Variants in APP observed in about 807,000 individuals in gnomAD.
The protein encoded by APP is amyloid beta precursor protein, also known as amyloid-beta precursor protein.
Under a neutral mutation model 101.4 loss-of-function variants are expected in APP, and 31 were observed. That is an observed-to-expected ratio of 0.31 (90% CI 0.23 to 0.41). The LOEUF (loss-of-function observed/expected upper bound fraction) is 0.41. Among genes scored for constraint, APP ranks in the 10% least tolerant of loss-of-function variants. The pLI is 1.00. For synonymous variants in APP, 366 were observed against 364.4 expected, an observed-to-expected ratio of 1.00 and a Z score of -0.05; for missense variants, 839 against 1,003.7, an observed-to-expected ratio of 0.84 and a Z score of 2.22.
chr21:25,942,254 C>T (rs1174183764), intron 13 of APP: 1 of 152,134 alleles, frequency 6.6e-6, no homozygotes, highest in African/African-American at 2.4e-5. Context: ...AACAGCTCTG[C>T]AAACCCAGTT....
intron 5 of APP, among the ~76,000 whole-genome samples, chr21:26,047,588 T>C (rs1207471107): frequency 6.6e-6 from 1 of 152,224 alleles, no homozygotes; most frequent in Non-Finnish European, 1.5e-5. Context: ...CCTGATATAC[T>C]AATTATACTG....
At chr21:26,091,304 G>A (rs974469978) in intron 2 of APP, among the ~76,000 whole-genome samples, 11 of 152,304 alleles carry the variant, frequency 7.2e-5, no homozygotes, top group African/African-American at 2.4e-4. Flanking sequence ...ACACTCCAGG[G>A]GCTAAAGAAT....
intron 13 of APP, among the ~76,000 whole-genome samples, chr21:25,925,634 A>G (rs2146370631): frequency 6.6e-6 from 1 of 152,320 alleles, no homozygotes; most frequent in Non-Finnish European, 1.5e-5. Context: ...TCCCTTCATG[A>G]AAGAAAAACA....
chr21:25,935,132 G>A (rs2040308356), intron 13 of APP: 1 of 152,184 alleles, frequency 6.6e-6, no homozygotes, highest in Non-Finnish European at 1.5e-5. Flanking sequence ...CGGGTTTCAG[G>A]TTTTACTAAC....
chr21:26,122,619 G>A (rs1191915856), intron 1 of APP, among the ~76,000 whole-genome samples: 1 of 152,026 alleles, frequency 6.6e-6, no homozygotes, highest in Non-Finnish European at 1.5e-5. Flanking sequence ...GCACTTATAT[G>A]TTTTATCACA....
At chr21:26,108,198 G>T (rs118111112) in intron 2 of APP, among the ~76,000 whole-genome samples, 1 of 152,256 alleles carries the variant, frequency 6.6e-6, no homozygotes, top group Non-Finnish European at 1.5e-5. Flanking sequence ...TCACTGCCAC[G>T]TGAAACGTCA....
intron 13 of APP, among the ~76,000 whole-genome samples, chr21:25,953,341 C>G (rs752791754): frequency 1.3e-5 from 2 of 152,160 alleles, no homozygotes; most frequent in Non-Finnish European, 1.5e-5. Flanking sequence ...CACAGCAATA[C>G]AAACAATATT....
At chr21:25,910,329 A>C (rs1035413544) in intron 14 of APP, among the ~76,000 whole-genome samples, 2 of 151,920 alleles carry the variant, frequency 1.3e-5, no homozygotes, top group Admixed American at 6.6e-5. Flanking sequence ...ACGGGGTTTC[A>C]CCATGTTAGC....
intron 11 of APP, among the ~76,000 whole-genome samples, chr21:25,971,604 G>A (rs2042035249): frequency 6.6e-6 from 1 of 152,238 alleles, no homozygotes; most frequent in South Asian, 2.1e-4. Context: ...ATCCAGAGAT[G>A]TGCAGAGTGA....
At chr21:26,131,606 C>T (rs978347001) in intron 1 of APP, among the ~76,000 whole-genome samples, 1 of 152,148 alleles carries the variant, frequency 6.6e-6, no homozygotes, top group African/African-American at 2.4e-5. Context: ...AGCCAAATGA[C>T]CAATACGGCA....
intron 11 of APP, among the ~76,000 whole-genome samples, chr21:25,962,273 G>A (rs771494462): frequency 3.9e-5 from 6 of 152,036 alleles, no homozygotes; most frequent in African/African-American, 1.2e-4. Flanking sequence ...AGGCACCACC[G>A]AAATGGCTTA....
At chr21:25,893,934 T>A (rs936492878) in intron 16 of APP, among the ~76,000 whole-genome samples, 1 of 152,238 alleles carries the variant, frequency 6.6e-6, no homozygotes, top group Non-Finnish European at 1.5e-5. Flanking sequence ...AAGAACAAGC[T>A]GACTCTCTTG....
chr21:25,952,140 A>G (rs1208965332), intron 13 of APP, among the ~76,000 whole-genome samples: 2 of 151,340 alleles, frequency 1.3e-5, no homozygotes, highest in Non-Finnish European at 2.9e-5. Context: ...TATATATGTC[A>G]TTACTTAAAA....
chr21:25,904,579 G>A (rs2038686125), intron 15 of APP, among the ~76,000 whole-genome samples: 1 of 152,146 alleles, frequency 6.6e-6, no homozygotes, highest in Admixed American at 6.5e-5. Context: ...TGAAGTTTGA[G>A]CCCAGTTCAG....
Position 26,031,671 on chromosome 21 carries a change from G to A in APP, c.663-9629C>T, listed in dbSNP as rs575211088. 2.0e-5 allele frequency among the ~76,000 whole-genome samples: 3 copies of A among 149,800 alleles called. No individual in the cohort carries two copies. The South Asian group carries it at 6.5e-4, about 32-fold the overall frequency. On this transcript the variant is annotated intron_variant, in intron 5 of 17. Coordinates refer to ENST00000346798, the MANE Select transcript of APP (RefSeq NM_000484.4). ...TATTCATTATCGCAAGAATAGTACA[G>A]AGAAGATCAGCCCCCATGAATCAAT...
chr21:26,120,101 G>A (rs2062532222), intron 1 of APP, among the ~76,000 whole-genome samples: 1 of 152,162 alleles, frequency 6.6e-6, no homozygotes, highest in African/African-American at 2.4e-5. Flanking sequence ...GAGCTTGTGG[G>A]CTATAATAAA....
intron 13 of APP, among the ~76,000 whole-genome samples, chr21:25,920,405 A>C (rs923845736): frequency 1.4e-4 from 22 of 152,200 alleles, no homozygotes; most frequent in African/African-American, 5.3e-4. Flanking sequence ...AATGGACTAA[A>C]TTCTGCAATT....
At chr21:25,944,949 CAT>C (rs749528983) in intron 13 of APP, among the ~76,000 whole-genome samples, 17 of 152,120 alleles carry the variant, frequency 1.1e-4, no homozygotes, top group Non-Finnish European at 2.1e-4. Flanking sequence ...ATTACAGGGC[CAT>C]ACAAACGAGC....
At position 25,956,735 on chromosome 21, in the gene APP, C is replaced by T. The variant is rs911082951; in HGVS notation, c.1459-980G>A. Among the ~76,000 whole-genome samples, 7 of 152,038 alleles carry T rather than the reference C, an allele frequency of 4.6e-5. No individual in the cohort carries two copies. The East Asian group carries it at 7.7e-4, about 17-fold the overall frequency. On this transcript the variant is annotated intron_variant, in intron 11 of 17. Coordinates refer to ENST00000346798, the MANE Select transcript of APP (RefSeq NM_000484.4). The stretch of plus-strand genomic sequence containing the variant: ...AGAGATGGTGTGTGTGGTGGTGGGG[C>T]GGGTGGTAATGGAGCTTTTGTTGTG...
Sources: gnomAD v4.1 joint callset for allele counts (sites outside exome capture counted in the v4.1 genomes callset) on GRCh38, gnomAD v4.1.1 for gene constraint, MANE v1.5 for transcripts, NCBI Gene and HGNC (gene_info 2026-07-23, HGNC 2026-07-21) for gene names.